Variants in DUSP14 observed in about 807,000 individuals in gnomAD.
The protein encoded by DUSP14 is dual specificity phosphatase 14, also known as dual specificity protein phosphatase 14.
In DUSP14, 5 loss-of-function variants were observed where a neutral mutation model predicts 13.2. The ratio of observed to expected loss-of-function variants is 0.38; its 90% CI spans 0.20 to 0.80. The LOEUF (loss-of-function observed/expected upper bound fraction) is 0.80. Among genes scored for constraint, DUSP14 ranks in the 30% least tolerant of loss-of-function variants. The pLI, the probability that DUSP14 is intolerant of heterozygous loss-of-function variation, is 0.44. For synonymous variants in DUSP14, 91 were observed against 103.4 expected (o/e 0.88, Z 0.73); for missense variants, 185 against 264.0 (o/e 0.70, Z 2.07).
At chr17:37,501,357 G>C (rs779949960) in intron 1 of DUSP14, among the ~76,000 whole-genome samples, 1 of 152,114 alleles carries the variant, frequency 6.6e-6, no homozygotes, top group Admixed American at 6.6e-5. Flanking sequence ...GAGCCGATTC[G>C]GTAGGTCTTG....
At chr17:37,504,676 C>A (rs1283439355) in intron 1 of DUSP14, among the ~76,000 whole-genome samples, 1 of 152,158 alleles carries the variant, frequency 6.6e-6, no homozygotes, top group Non-Finnish European at 1.5e-5. Context: ...TTCCCAGACT[C>A]AAGTGACCTC....
intron 1 of DUSP14, among the ~76,000 whole-genome samples, chr17:37,500,278 A>G (rs898597080): frequency 1.5e-4 from 23 of 152,256 alleles, no homozygotes; most frequent in African/African-American, 5.1e-4. Context: ...GGAAGTCCTC[A>G]TAGGGTGAAG....
rs533256343 is a variant in DUSP14 at position 37,511,585 on chromosome 17, CTTTT to C, written c.-92-581_-92-578del. The stretch of plus-strand genomic sequence containing the variant: ...CATGAGCTACCTCACCTGGCCTTTC[CTTTT>C]TTTTTTTTTTTTTTAGAAGCTGGGT... On this transcript the variant is annotated intron_variant, in intron 2 of 2. Coordinates refer to ENST00000617516, the MANE Select transcript of DUSP14 (RefSeq NM_007026.4). 3.2e-3 allele frequency among the ~76,000 whole-genome samples: 281 copies of C among 87,308 alleles called. 2 individuals are homozygous for C. The highest frequency in any genetic ancestry group is 0.021 in the Middle Eastern group (2 of 96). The allele number at this position is 87,308 out of a possible 152,430, so 57.3% of individuals were successfully genotyped here. A position where few individuals can be genotyped will look rare whatever the true frequency, so the allele number is the denominator to read the frequency against.
chr17:37,494,269 A>G (rs2054049362), intron 1 of DUSP14, among the ~76,000 whole-genome samples: 1 of 152,204 alleles, frequency 6.6e-6, no homozygotes, highest in South Asian at 2.1e-4. Flanking sequence ...CTGGGATTAC[A>G]GGCGTGAGCC....
intron 1 of DUSP14, among the ~76,000 whole-genome samples, chr17:37,498,078 G>A (rs2054077741): frequency 6.6e-6 from 1 of 151,390 alleles, no homozygotes. Context: ...ATCTTTACTA[G>A]CCTTTATTTT....
intron 1 of DUSP14, among the ~76,000 whole-genome samples, chr17:37,504,725 A>G (rs536159892): frequency 6.6e-6 from 1 of 152,174 alleles, no homozygotes; most frequent in East Asian, 1.9e-4. Flanking sequence ...TTATAGGCGC[A>G]TGAAACCATG....
chr17:37,511,045 A>G (rs980471866), intron 2 of DUSP14, among the ~76,000 whole-genome samples: 26 of 152,018 alleles, frequency 1.7e-4, no homozygotes, highest in African/African-American at 6.0e-4. Context: ...TTTAATAGCA[A>G]ACACTGGAAT....
chr17:37,491,805 G>A (rs188613775), intron 1 of DUSP14, among the ~76,000 whole-genome samples: 2 of 152,236 alleles, frequency 1.3e-5, no homozygotes, highest in African/African-American at 4.8e-5. Context: ...AAGGCAAAAT[G>A]GATTAAAAAT....
At position 37,489,969 on chromosome 17, in the gene DUSP14, C is replaced by T. The variant is rs1315268674; in HGVS notation, c.-181+11C>T. The T allele has an allele frequency of 7.9e-6, 1 of 127,380 alleles. No homozygotes were observed. The highest frequency in any genetic ancestry group is 1.6e-5 in the Non-Finnish European group (1 of 60,916). The allele number at this position is 127,380 out of a possible 1,614,324, so 7.9% of individuals were successfully genotyped here. The stretch of plus-strand genomic sequence containing the variant: ...CGCCGCGCCGCGCCGGTAGGGGACC[C>T]GCAGGCCCGGGGGTGGGGGTTGTGG... On this transcript the variant is annotated intron_variant, in intron 1 of 2. Transcript: ENST00000617516.
intron 1 of DUSP14, among the ~76,000 whole-genome samples, chr17:37,503,175 A>G (rs1359684326): frequency 3.3e-5 from 5 of 152,198 alleles, no homozygotes; most frequent in Non-Finnish European, 5.9e-5. Flanking sequence ...CTGTAATCCC[A>G]GCACTTTGGG....
At chr17:37,499,642 G>T (rs2054092568) in intron 1 of DUSP14, among the ~76,000 whole-genome samples, 1 of 152,110 alleles carries the variant, frequency 6.6e-6, no homozygotes, top group Admixed American at 6.6e-5. Context: ...CGATTCTCCT[G>T]CCTCAGCCTC....
chr17:37,512,135 T>C lies in DUSP14; in HGVS notation c.-92-46T>C, dbSNP rs1299242491. 5.9e-6 allele frequency: 4 copies of C among 673,668 alleles called. No homozygotes were observed. In the African/African-American group the frequency reaches 7.1e-5, roughly 12 times the overall value. 41.7% of individuals were successfully genotyped at this position (673,668 alleles called of 1,614,324 possible). ...TGACAAATGTGACAGAAGGCTGTGATGAATCAGTAGCATTTAAAGTACTGA... is the reference window on the plus strand; with the variant it reads ...TGACAAATGTGACAGAAGGCTGTGACGAATCAGTAGCATTTAAAGTACTGA... On this transcript the variant is annotated intron_variant, in intron 2 of 2. Coordinates refer to ENST00000617516, the MANE Select transcript of DUSP14 (RefSeq NM_007026.4). This position sits in a 1 kb window ranked among gnomAD's most constrained non-coding sequence, Gnocchi z 4.8.
At chr17:37,506,624 C>G (rs1393975615) in intron 1 of DUSP14, among the ~76,000 whole-genome samples, 3 of 152,186 alleles carry the variant, frequency 2.0e-5, no homozygotes, top group African/African-American at 7.2e-5. Context: ...TCTCCCAGGA[C>G]ACATTTACTG....
chr17:37,488,898 T>C (rs1370425458), upstream of DUSP14, among the ~76,000 whole-genome samples: 1 of 152,144 alleles, frequency 6.6e-6, no homozygotes, highest in Admixed American at 6.5e-5. Context: ...TGCCTACTCG[T>C]TTTGACTGCT....
At chr17:37,509,325 T>TGTGTGTGTG in intron 1 of DUSP14, among the ~76,000 whole-genome samples, 1 of 118,924 alleles carries the variant, frequency 8.4e-6, no homozygotes, top group East Asian at 2.6e-4. Flanking sequence ...TGTGTGTGTG[T>TGTGTGTGTG]TTAGTTTTTG....
chr17:37,509,104 C>CATATATATATATATGTGTGTGTATAT (rs1270927245), intron 1 of DUSP14, among the ~76,000 whole-genome samples: 2 of 36,050 alleles, frequency 5.5e-5, no homozygotes, highest in African/African-American at 1.9e-4. Flanking sequence ...AAAAAAAACC[C>CATATATATATATATGTGTGTGTATAT]ATATATATAT....
At chr17:37,493,359 G>T (rs750388285) in intron 1 of DUSP14, among the ~76,000 whole-genome samples, 3 of 152,168 alleles carry the variant, frequency 2.0e-5, no homozygotes, top group Non-Finnish European at 2.9e-5. Flanking sequence ...ATTATGAACA[G>T]CCCTGAGTCA....
At chr17:37,503,547 G>C (rs574803857) in intron 1 of DUSP14, among the ~76,000 whole-genome samples, 1 of 152,208 alleles carries the variant, frequency 6.6e-6, no homozygotes, top group African/African-American at 2.4e-5. Flanking sequence ...GGTGTTGACC[G>C]CATTATATAA....
chr17:37,510,550 G>A (rs572239472), intron 1 of DUSP14, 127 bp from the exon 2 acceptor site: 1 of 152,180 alleles, frequency 6.6e-6, no homozygotes. Context: ...GCACACCTGC[G>A]AATGTTCAGT....
Sources: allele counts gnomAD v4.1 joint callset (sites outside exome capture counted in the v4.1 genomes callset), GRCh38; gene constraint gnomAD v4.1.1; non-coding constraint Gnocchi (gnomAD v3.1); transcripts MANE v1.5; gene names NCBI Gene and HGNC (gene_info 2026-07-23, HGNC 2026-07-21).